The following GPR158 variants were observed in gnomAD, a reference collection of about 807,000 sequenced individuals.
GPR158 encodes the protein G protein-coupled receptor 158, also known as metabotropic glycine receptor.
GPR158 carries 30 observed loss-of-function variants against 78.2 expected under a neutral mutation model. That is an observed-to-expected ratio of 0.38 (90% CI 0.29 to 0.52). The LOEUF is 0.52. GPR158 is among the 20% of genes least tolerant of loss of function. The pLI, the probability that GPR158 is intolerant of heterozygous loss-of-function variation, is 0.83. For synonymous variants in GPR158, 581 were observed against 591.1 expected (o/e 0.98, Z 0.25); for missense variants, 1,463 against 1,523.5 (o/e 0.96, Z 0.66).
At chr10:25,557,962 A>G (rs1045442629) in intron 6 of GPR158, among the ~76,000 whole-genome samples, 3 of 152,192 alleles carry the variant, frequency 2.0e-5, no homozygotes, top group African/African-American at 7.2e-5. Flanking sequence ...CAGATGTCCT[A>G]CTTGCTTTGT....
chr10:25,256,313 A>G (rs1034560994), intron 2 of GPR158, among the ~76,000 whole-genome samples: 9 of 152,360 alleles, frequency 5.9e-5, no homozygotes, highest in South Asian at 4.1e-4. Context: ...GTGCAATTCA[A>G]TATACCTTAT....
intron 3 of GPR158, among the ~76,000 whole-genome samples, chr10:25,402,405 C>T (rs959823599): frequency 6.6e-6 from 1 of 151,974 alleles, no homozygotes; most frequent in Non-Finnish European, 1.5e-5. Flanking sequence ...ATTATTCTGG[C>T]AATTGATGAA....
rs183146015 is a variant in GPR158 at position 25,390,379 on chromosome 10, G to A, written c.1009-5532G>A. On this transcript the variant is annotated intron_variant, in intron 2 of 10. Coordinates refer to ENST00000376351, the MANE Select transcript of GPR158 (RefSeq NM_020752.3). ...CTTGTTGAATGGTTTTGACCAAAAT[G>A]CTGATAGTGATATAGATGATGAAGT... Among the ~76,000 whole-genome samples, 16 of 152,340 alleles carry A rather than the reference G, an allele frequency of 1.1e-4. 4 individuals carry two copies. Among genetic ancestry groups the A allele is most frequent in the Admixed American group, 1.0e-3 (16 of 15,308 alleles).
intron 1 of GPR158, among the ~76,000 whole-genome samples, chr10:25,189,999 G>A (rs1300033828): frequency 1.3e-5 from 2 of 151,598 alleles, no homozygotes; most frequent in South Asian, 2.1e-4. Context: ...GTCATCCTGC[G>A]GAATATTGCC....
At chr10:25,474,514 C>G (rs1029920746) in intron 5 of GPR158, among the ~76,000 whole-genome samples, 3 of 152,082 alleles carry the variant, frequency 2.0e-5, no homozygotes, top group African/African-American at 7.2e-5. Context: ...TTCCTCGACC[C>G]CTAATCTGAG....
chr10:25,250,525 T>A (rs982800685), intron 2 of GPR158, among the ~76,000 whole-genome samples: 92 of 146,664 alleles, frequency 6.3e-4, no homozygotes, highest in African/African-American at 2.2e-3. Flanking sequence ...TTTGTTCTCG[T>A]TGGTTTCAAA....
chr10:25,347,427 T>G (rs1461918627), intron 2 of GPR158, among the ~76,000 whole-genome samples: 1 of 152,002 alleles, frequency 6.6e-6, no homozygotes, highest in African/African-American at 2.4e-5. Context: ...TGTCAACTGT[T>G]TTTTACCATG....
rs963517538 is a variant in GPR158, at chr10:25,601,665, C to T, written c.*2391C>T. 1 of 152,536 alleles carries T rather than the reference C, an allele frequency of 6.6e-6. No individual in the cohort carries two copies. Among genetic ancestry groups the T allele is most frequent in the Non-Finnish European group, 1.5e-5 (1 of 68,024 alleles). 9.4% of individuals were successfully genotyped at this position (152,536 alleles called of 1,614,324 possible). A position where few individuals can be genotyped will look rare whatever the true frequency, so the allele number is the denominator to read the frequency against. On this transcript the variant is annotated 3_prime_UTR_variant, in exon 11 of 11. Transcript: ENST00000376351. ...TAGAGTCTTTCTGAGAGTTTCATTG[C>T]CATTATCAACAAGAGAAGTTGAAAT...
At chr10:25,203,492 A>G (rs973724364) in intron 1 of GPR158, among the ~76,000 whole-genome samples, 8 of 151,898 alleles carry the variant, frequency 5.3e-5, no homozygotes, top group African/African-American at 1.9e-4. Context: ...TTTTCCCAGC[A>G]CCATTTATTA....
chr10:25,375,614 A>G (rs1834067385), intron 2 of GPR158, among the ~76,000 whole-genome samples: 3 of 151,540 alleles, frequency 2.0e-5, no homozygotes, highest in Admixed American at 1.3e-4. Flanking sequence ...TTGCCTATCA[A>G]TATCAAATAG....
At chr10:25,338,137 T>C (rs926869380) in intron 2 of GPR158, among the ~76,000 whole-genome samples, 8 of 151,670 alleles carry the variant, frequency 5.3e-5, no homozygotes, top group African/African-American at 1.9e-4. Flanking sequence ...GTCCAATTTA[T>C]TGGCCTTTTC....
intron 5 of GPR158, among the ~76,000 whole-genome samples, chr10:25,541,201 T>C (rs967502301): frequency 6.6e-6 from 1 of 151,960 alleles, no homozygotes; most frequent in African/African-American, 2.4e-5. Context: ...ATAAATCATC[T>C]ATTACTAGTG....
intron 5 of GPR158, among the ~76,000 whole-genome samples, chr10:25,479,488 C>T (rs891252388): frequency 6.6e-6 from 1 of 152,086 alleles, no homozygotes; most frequent in African/African-American, 2.4e-5. Flanking sequence ...CGATCTTGCT[C>T]ACTGCAACCT....
intron 5 of GPR158, among the ~76,000 whole-genome samples, chr10:25,514,151 T>C (rs1187545082): frequency 6.6e-6 from 1 of 152,144 alleles, no homozygotes; most frequent in Non-Finnish European, 1.5e-5. Context: ...GTCTCATTTC[T>C]TAGGTCTAGT....
chr10:25,215,481 G>C (rs756570071), intron 1 of GPR158, among the ~76,000 whole-genome samples: 7 of 152,172 alleles, frequency 4.6e-5, no homozygotes, highest in Non-Finnish European at 4.4e-5. Flanking sequence ...TACTACAAAA[G>C]CGTACATTAA....
intron 2 of GPR158, among the ~76,000 whole-genome samples, chr10:25,268,761 G>A (rs545358503): frequency 6.6e-6 from 1 of 152,274 alleles, no homozygotes; most frequent in South Asian, 2.1e-4. Context: ...CAGTAACCAA[G>A]CTGCCAACCT....
intron 5 of GPR158, among the ~76,000 whole-genome samples, chr10:25,547,056 G>C (rs745352688): frequency 6.6e-6 from 1 of 152,132 alleles, no homozygotes; most frequent in Non-Finnish European, 1.5e-5. Context: ...AGGGAAGTGA[G>C]GTGATGAGAA....
chr10:25,422,680 C>T (rs1834766986), intron 4 of GPR158, among the ~76,000 whole-genome samples: 1 of 146,200 alleles, frequency 6.8e-6, no homozygotes, highest in South Asian at 2.1e-4. Context: ...GAATTTTTTC[C>T]TGAGATTGGA....
intron 2 of GPR158, among the ~76,000 whole-genome samples, chr10:25,356,873 G>A (rs981865669): frequency 2.0e-5 from 3 of 152,056 alleles, no homozygotes; most frequent in Non-Finnish European, 4.4e-5. Flanking sequence ...TTGGGTAACA[G>A]GCAGAGTTTG....
Sources: gnomAD v4.1 joint callset for allele counts (sites outside exome capture counted in the v4.1 genomes callset) on GRCh38, gnomAD v4.1.1 for gene constraint, MANE v1.5 for transcripts, NCBI Gene and HGNC (gene_info 2026-07-23, HGNC 2026-07-21) for gene names.